ANO2: variants seen among roughly 807,000 people sequenced by gnomAD.
The protein encoded by ANO2 is anoctamin-2.
Under a neutral mutation model 124.2 loss-of-function variants are expected in ANO2, and 101 were observed. That is an observed-to-expected ratio of 0.81 (90% CI 0.69 to 0.96). The LOEUF is 0.96. Among genes scored for constraint, ANO2 ranks in the 40% least tolerant of loss-of-function variants. The pLI is 0.00. For synonymous variants in ANO2, 486 were observed against 482.5 expected (o/e 1.01, Z -0.09); for missense variants, 1,293 against 1,274.5 (o/e 1.01, Z -0.22).
intron 7 of ANO2, among the ~76,000 whole-genome samples, chr12:5,817,137 C>A (rs1384218791): frequency 6.6e-6 from 1 of 152,208 alleles, no homozygotes; most frequent in African/African-American, 2.4e-5. Flanking sequence ...GGCCTTCCAA[C>A]AACCTGGGGA....
At chr12:5,819,386 T>C (rs950698346) in intron 7 of ANO2, among the ~76,000 whole-genome samples, 3 of 152,198 alleles carry the variant, frequency 2.0e-5, no homozygotes, top group Non-Finnish European at 4.4e-5. Context: ...TATGGGATAA[T>C]GGTGGAAGGA....
chr12:5,911,852 T>C (rs535785193), intron 3 of ANO2, among the ~76,000 whole-genome samples: 1 of 152,332 alleles, frequency 6.6e-6, no homozygotes, highest in South Asian at 2.1e-4. Flanking sequence ...AAAGAAATTA[T>C]CCAAGCTGTT....
At chr12:5,830,958 A>G (rs1285845358) in intron 5 of ANO2, among the ~76,000 whole-genome samples, 2 of 152,334 alleles carry the variant, frequency 1.3e-5, no homozygotes, top group East Asian at 3.9e-4. Flanking sequence ...CAAAAAGGGT[A>G]TCATTTCAGG....
At chr12:5,667,931 ATTATCT>A (rs1591854602) in intron 14 of ANO2, among the ~76,000 whole-genome samples, 1 of 152,154 alleles carries the variant, frequency 6.6e-6, no homozygotes, top group African/African-American at 2.4e-5. Flanking sequence ...TATGTACCAC[ATTATCT>A]TTATCCACTC....
intron 7 of ANO2, among the ~76,000 whole-genome samples, chr12:5,810,563 G>C (rs963470630): frequency 4.3e-4 from 66 of 152,290 alleles, no homozygotes; most frequent in Admixed American, 1.4e-3. Context: ...GGGAGAGACA[G>C]AGAGACCCAA....
At chr12:5,854,339 C>T (rs759835318) in intron 3 of ANO2, among the ~76,000 whole-genome samples, 198 bp from the exon 4 acceptor site, 3 of 127,364 alleles carry the variant, frequency 2.4e-5, no homozygotes, top group Non-Finnish European at 3.1e-5. Context: ...ATGTTCTCAT[C>T]GAAAACAGTA....
At chr12:5,788,435 C>T (rs1952600199) in intron 10 of ANO2, among the ~76,000 whole-genome samples, 1 of 152,222 alleles carries the variant, frequency 6.6e-6, no homozygotes, top group Non-Finnish European at 1.5e-5. Context: ...TCTAACTGCC[C>T]ACCATCAGTC....
At chr12:5,702,317 T>G (rs1949434717) in intron 14 of ANO2, among the ~76,000 whole-genome samples, 2 of 152,058 alleles carry the variant, frequency 1.3e-5, no homozygotes, top group Admixed American at 1.3e-4. Context: ...TACAAGTAAA[T>G]TCCATTAAAA....
intron 16 of ANO2, among the ~76,000 whole-genome samples, chr12:5,629,749 T>C (rs1945609426): frequency 6.6e-6 from 1 of 152,202 alleles, no homozygotes; most frequent in Admixed American, 6.5e-5. Context: ...TGATGCTTGC[T>C]GACACTGGCA....
At position 5,624,241 on chromosome 12, in the gene ANO2, GGAGA is replaced by G. The variant is rs371489925; in HGVS notation, c.1817-8948_1817-8945del. On this transcript the variant is annotated intron_variant, in intron 16 of 24. Coordinates refer to ENST00000682330, the MANE Select transcript of ANO2 (RefSeq NM_001364791.2). The stretch of plus-strand genomic sequence containing the variant: ...GGGACCTAAACAGGAAGGGAGCACT[GGAGA>G]GAGAGAGAGAGAGAGAAACAGACAG... Among the ~76,000 whole-genome samples, 909 of 149,132 alleles carry G rather than the reference GGAGA, an allele frequency of 6.1e-3. 10 individuals carry two copies. The highest frequency in any genetic ancestry group is 0.021 in the African/African-American group (839 of 39,962).
At chr12:5,624,712 G>A (rs560849184) in intron 16 of ANO2, among the ~76,000 whole-genome samples, 16 of 152,312 alleles carry the variant, frequency 1.1e-4, no homozygotes, top group African/African-American at 2.4e-4. Context: ...AGCTCCCGCC[G>A]TGTGGAGCTC....
At chr12:5,624,288 C>T (rs564691936) in intron 16 of ANO2, among the ~76,000 whole-genome samples, 2 of 150,654 alleles carry the variant, frequency 1.3e-5, no homozygotes, top group Admixed American at 6.6e-5. Context: ...GACAGAGAGA[C>T]AGACAGACAG....
At chr12:5,696,228 CAAAA>C in intron 14 of ANO2, among the ~76,000 whole-genome samples, 1 of 151,952 alleles carries the variant, frequency 6.6e-6, no homozygotes, top group South Asian at 2.1e-4. Flanking sequence ...AAAAGACTGA[CAAAA>C]GAGAGAAAAT....
At chr12:5,766,065 C>T (rs1321084123) in intron 10 of ANO2, among the ~76,000 whole-genome samples, 1 of 152,096 alleles carries the variant, frequency 6.6e-6, no homozygotes, top group Non-Finnish European at 1.5e-5. Flanking sequence ...AAGCATTGGC[C>T]AAAATGTGGA....
chr12:5,855,849 G>C (rs1955081897), intron 3 of ANO2, among the ~76,000 whole-genome samples: 1 of 152,144 alleles, frequency 6.6e-6, no homozygotes, highest in East Asian at 1.9e-4. Context: ...ACACACCCAA[G>C]GACTGTAACA....
intron 3 of ANO2, among the ~76,000 whole-genome samples, chr12:5,918,605 A>G (rs954760865): frequency 6.6e-6 from 1 of 152,004 alleles, no homozygotes. Context: ...ACGCCTGGCT[A>G]ACTTTTTGTA....
At chr12:5,694,005 T>A (rs1193853691) in intron 14 of ANO2, among the ~76,000 whole-genome samples, 3 of 152,174 alleles carry the variant, frequency 2.0e-5, no homozygotes, top group African/African-American at 4.8e-5. Flanking sequence ...GTGGTCTGTA[T>A]CTTCTTACTA....
At chr12:5,935,885 C>T (rs1373943395) in intron 1 of ANO2, among the ~76,000 whole-genome samples, 2 of 152,200 alleles carry the variant, frequency 1.3e-5, no homozygotes, top group African/African-American at 4.8e-5. Flanking sequence ...TCTAGAGAAT[C>T]ACTAACAGAG....
At chr12:5,856,704 G>C (rs999411878) in intron 3 of ANO2, 2 of 152,232 alleles carry the variant, frequency 1.3e-5, no homozygotes, top group African/African-American at 2.4e-5. Flanking sequence ...AGTGTCAAGA[G>C]AGAAGCTGGC....
Sources: allele counts gnomAD v4.1 joint callset (sites outside exome capture counted in the v4.1 genomes callset), GRCh38; gene constraint gnomAD v4.1.1; transcripts MANE v1.5; gene names NCBI Gene and HGNC (gene_info 2026-07-23, HGNC 2026-07-21).